Variants in GASK1A observed in about 807,000 individuals in gnomAD.
GASK1A encodes the protein Golgi-associated kinase 1A.
Under a neutral mutation model 41.2 loss-of-function variants are expected in GASK1A, and 40 were observed. That is an observed-to-expected ratio of 0.97 (90% confidence interval 0.75 to 1.27). GASK1A has a LOEUF of 1.27. Among genes scored for constraint, GASK1A ranks in the 50% most tolerant of loss-of-function variants. The pLI is 0.00. For synonymous variants in GASK1A, 316 were observed against 307.1 expected, an observed-to-expected ratio of 1.03 and a Z score of -0.30; for missense variants, 678 against 745.1, an observed-to-expected ratio of 0.91 and a Z score of 1.05.
chr3:43,018,979 G>T lies in GASK1A; in HGVS notation c.4-13288G>T, dbSNP rs186320062. On this transcript the variant is annotated intron_variant, in intron 1 of 4. Transcript: ENST00000430121. ...GGTGCTGCCCTTGTCAGCAGTGTGA[G>T]CCTTGGGCCTCTCTGATTCTTTATG... Among the ~76,000 whole-genome samples the T allele has an allele frequency of 2.5e-4, 38 of 152,314 alleles. No homozygotes were observed. The East Asian group carries it at 6.6e-3, about 26-fold the overall frequency.
chr3:43,053,202 G>T (rs917658211), intron 2 of GASK1A, among the ~76,000 whole-genome samples: 7 of 152,224 alleles, frequency 4.6e-5, no homozygotes, highest in Non-Finnish European at 7.3e-5. Context: ...AGGTAGACAG[G>T]CAGACGGTCA....
chr3:43,009,721 T>C (rs1448625983), intron 1 of GASK1A, among the ~76,000 whole-genome samples: 1 of 152,204 alleles, frequency 6.6e-6, no homozygotes, highest in Admixed American at 6.5e-5. Flanking sequence ...AAACTCATGG[T>C]GTCATCAGAT....
At chr3:43,053,752 C>T (rs2089703363) in intron 3 of GASK1A, 109 bp downstream of exon 3, 5 of 1,282,384 alleles carry the variant, frequency 3.9e-6, no homozygotes, top group Middle Eastern at 3.7e-4. Context: ...TGGGGTTTCC[C>T]AGTCTTGTTC....
Position 42,979,557 on chromosome 3 carries a change from G to C in GASK1A, c.-86G>C. 1 of 1,229,000 alleles carries C rather than the reference G, an allele frequency of 8.1e-7. No individual in the cohort carries two copies. The highest frequency in any genetic ancestry group is 1.0e-6 in the Non-Finnish European group (1 of 981,048). 76.1% of individuals were successfully genotyped at this position (1,229,000 alleles called of 1,614,324 possible). On this transcript the variant is annotated 5_prime_UTR_variant, in exon 1 of 5. Coordinates refer to ENST00000430121, the MANE Select transcript of GASK1A (RefSeq NM_001129908.3). ...CATCCTGGGAAGCCTGGCGAGCCAC[G>C]GCGCCGGGGGCGGCCAAGGGGAGGC... is the stretch of plus-strand genomic sequence containing the variant.
intron 1 of GASK1A, among the ~76,000 whole-genome samples, chr3:43,001,899 T>G (rs1466220034): frequency 6.6e-6 from 1 of 152,128 alleles, no homozygotes; most frequent in Non-Finnish European, 1.5e-5. Flanking sequence ...TGCCTGTCTC[T>G]CTTCAACCAC....
chr3:42,992,724 C>G (rs892284136), intron 1 of GASK1A, among the ~76,000 whole-genome samples: 8 of 152,126 alleles, frequency 5.3e-5, no homozygotes, highest in African/African-American at 1.9e-4. Flanking sequence ...AGTTGTTGAT[C>G]TGGGGTCCAA....
intron 2 of GASK1A, among the ~76,000 whole-genome samples, chr3:43,049,563 A>G (rs1277946504): frequency 2.6e-5 from 4 of 151,914 alleles, no homozygotes; most frequent in Admixed American, 1.3e-4. Context: ...AGCTGGACCA[A>G]TCTTCTGGGC....
intron 1 of GASK1A, among the ~76,000 whole-genome samples, chr3:43,018,353 A>C (rs2089505098): frequency 6.6e-6 from 1 of 152,140 alleles, no homozygotes. Context: ...ATAAGTGGTC[A>C]TTTTTTTGGG....
chr3:43,043,982 CTG>C (rs2089649784), intron 2 of GASK1A, among the ~76,000 whole-genome samples: 1 of 152,218 alleles, frequency 6.6e-6, no homozygotes, highest in Admixed American at 6.5e-5. Context: ...CAAGCCCTCA[CTG>C]TGAAACATTC....
intron 1 of GASK1A, among the ~76,000 whole-genome samples, chr3:43,007,248 A>T (rs749123719): frequency 3.9e-5 from 6 of 152,130 alleles, no homozygotes; most frequent in Non-Finnish European, 5.9e-5. Flanking sequence ...ATTGTGTTGG[A>T]TACTTGGGGG....
chr3:43,000,966 T>A (rs2089405614), intron 1 of GASK1A, among the ~76,000 whole-genome samples: 1 of 152,214 alleles, frequency 6.6e-6, no homozygotes, highest in South Asian at 2.1e-4. Context: ...TTTGAGACCC[T>A]ATGGCACCAT....
chr3:43,033,049 A>C lies in GASK1A; in HGVS notation c.786A>C (p.Thr262=), dbSNP rs2089586738. 1.3e-6 allele frequency: 2 copies of C among 1,551,740 alleles called. No homozygotes were observed. ...GTGGGCAGGCTCCCCCATGGCTGAC[A>C]GACCACGATGTGCAGATGCTCCGTC... ...RTGGQAPPWL[T]DHDVQMLRLL... Residue 262 remains threonine (T), a synonymous_variant, in exon 2 of 5, where the codon ACA becomes ACC. Transcript: ENST00000430121.
chr3:43,051,178 TGTA>T (rs1186054103), intron 2 of GASK1A, among the ~76,000 whole-genome samples: 1 of 152,224 alleles, frequency 6.6e-6, no homozygotes, highest in Non-Finnish European at 1.5e-5. Flanking sequence ...TGCTGTTTGT[TGTA>T]GTTGTTTTTG....
chr3:43,032,561 AGAGT>A lies in GASK1A; in HGVS notation c.300_303del (p.Val101ThrfsTer17). On this transcript the variant is annotated frameshift_variant, in exon 2 of 5. Coordinates refer to ENST00000430121, the MANE Select transcript of GASK1A (RefSeq NM_001129908.3). LOFTEE classifies it high-confidence loss of function. ...TGCTGAGGAGCAAGGCCATAGAGCA[AGAGT>A]GGACAGAAGCAGGGAGTCCCCAGGA... 2 of 1,550,600 alleles carry A rather than the reference AGAGT, an allele frequency of 1.3e-6. No individual in the cohort carries two copies. The highest frequency in any genetic ancestry group is 1.7e-6 in the Non-Finnish European group (2 of 1,146,040).
At chr3:43,009,294 C>T (rs1442775426) in intron 1 of GASK1A, among the ~76,000 whole-genome samples, 1 of 152,204 alleles carries the variant, frequency 6.6e-6, no homozygotes, top group Non-Finnish European at 1.5e-5. Context: ...TCCCATGTCT[C>T]AGCTGGTATC....
intron 1 of GASK1A, among the ~76,000 whole-genome samples, chr3:43,019,592 C>T (rs1295446049): frequency 6.6e-6 from 1 of 152,140 alleles, no homozygotes; most frequent in Non-Finnish European, 1.5e-5. Flanking sequence ...AGAAATGGAA[C>T]AGAAACTCCA....
intron 2 of GASK1A, among the ~76,000 whole-genome samples, chr3:43,036,147 C>G (rs956645453): frequency 3.9e-5 from 6 of 152,242 alleles, no homozygotes; most frequent in African/African-American, 1.4e-4. Flanking sequence ...CTGCCAACCC[C>G]TGCTGTGGGG....
intron 2 of GASK1A, among the ~76,000 whole-genome samples, chr3:43,049,640 T>C (rs568205500): frequency 1.3e-4 from 20 of 152,320 alleles, no homozygotes; most frequent in South Asian, 4.1e-4. Context: ...TTTAATCCAT[T>C]TGGTCTACTG....
intron 1 of GASK1A, among the ~76,000 whole-genome samples, chr3:43,019,259 G>T (rs2125682477): frequency 6.6e-6 from 1 of 152,182 alleles, no homozygotes; most frequent in East Asian, 1.9e-4. Flanking sequence ...CCCTCTGATG[G>T]AGCTGAGCAA....
Sources: allele counts gnomAD v4.1 joint callset (sites outside exome capture counted in the v4.1 genomes callset), GRCh38; gene constraint gnomAD v4.1.1; transcripts MANE v1.5; gene names NCBI Gene and HGNC (gene_info 2026-07-23, HGNC 2026-07-21).